The following OARD1 variants were observed in gnomAD, a reference collection of about 807,000 sequenced individuals.
The protein encoded by OARD1 is O-acyl-ADP-ribose deacylase 1.
Under a neutral mutation model 19.7 loss-of-function variants are expected in OARD1, and 19 were observed. The ratio of observed to expected loss-of-function variants is 0.96; its 90% CI spans 0.67 to 1.41. OARD1 has a LOEUF of 1.41. OARD1 is among the 40% of genes most tolerant of loss of function. OARD1 has a pLI of 0.00. For synonymous variants in OARD1, 70 were observed against 61.8 expected, an observed-to-expected ratio of 1.13 and a Z score of -0.62; for missense variants, 190 against 183.8, an observed-to-expected ratio of 1.03 and a Z score of -0.20.
chr6:41,068,473 A>G lies in OARD1; in HGVS notation c.356+368T>C, dbSNP rs139233637. Reference sequence around the variant, plus strand: ...GGGAGATGGGAAGTGGTCCAAGAGGAAAACCACCATTGCTCAGTCTTGATT... The same window carrying G: ...GGGAGATGGGAAGTGGTCCAAGAGGGAAACCACCATTGCTCAGTCTTGATT... On this transcript the variant is annotated intron_variant, in intron 5 of 5. Transcript: ENST00000424266. 4.0e-3 allele frequency among the ~76,000 whole-genome samples: 612 copies of G among 152,356 alleles called. 11 individuals are homozygous for G. In the South Asian group the frequency reaches 0.061, roughly 15 times the overall value.
At chr6:41,089,145 G>A (rs1219375693) in intron 1 of OARD1, among the ~76,000 whole-genome samples, 5 of 151,816 alleles carry the variant, frequency 3.3e-5, no homozygotes, top group African/African-American at 4.8e-5. Flanking sequence ...CACCATGCCC[G>A]GCTAATCTTT....
At chr6:41,080,852 C>T in intron 1 of OARD1, 1 of 1,614,008 alleles carries the variant, frequency 6.2e-7, no homozygotes, top group Non-Finnish European at 8.5e-7. Flanking sequence ...AGACTGAGGC[C>T]CAGGTGGCAT....
intron 1 of OARD1, among the ~76,000 whole-genome samples, chr6:41,087,321 T>A (rs1393135003): frequency 6.6e-6 from 1 of 152,230 alleles, no homozygotes; most frequent in Admixed American, 6.5e-5. Context: ...CATGAATGTC[T>A]CTAAGACATG....
At chr6:41,068,514 C>T (rs1763143770) in intron 5 of OARD1, among the ~76,000 whole-genome samples, 1 of 152,238 alleles carries the variant, frequency 6.6e-6, no homozygotes, top group Non-Finnish European at 1.5e-5. Flanking sequence ...GCTTACATTG[C>T]TTTAGGAATA....
upstream of OARD1, among the ~76,000 whole-genome samples, chr6:41,073,740 G>A (rs953426418): frequency 6.6e-6 from 1 of 152,062 alleles, no homozygotes; most frequent in Non-Finnish European, 1.5e-5. Flanking sequence ...TCTCCCTGGT[G>A]GGGAGAGGGG....
At chr6:41,084,011 T>A in intron 1 of OARD1, 5 of 1,559,876 alleles carry the variant, frequency 3.2e-6, no homozygotes, top group Non-Finnish European at 4.3e-6. Context: ...TTGTGTCTTA[T>A]GTTATTTCAT....
chr6:41,072,673 G>T (rs1165595054), upstream of OARD1: 1 of 152,486 alleles, frequency 6.6e-6, no homozygotes, highest in African/African-American at 2.4e-5. Flanking sequence ...TGTCCTAGTG[G>T]CCACTTGGAA....
chr6:41,076,217 G>C (rs1369669240), upstream of OARD1, among the ~76,000 whole-genome samples: 2 of 152,124 alleles, frequency 1.3e-5, no homozygotes, highest in Non-Finnish European at 2.9e-5. Context: ...AGACCAGCCT[G>C]GGTAGCATAG....
rs139572347 is a variant in OARD1, at chr6:41,071,332, G to C, written c.40-56C>G. 174 of 1,531,690 alleles carry C rather than the reference G, an allele frequency of 1.1e-4. No individual in the cohort carries two copies. In the East Asian group the frequency reaches 3.6e-3, roughly 32 times the overall value. 94.9% of individuals were successfully genotyped at this position (1,531,690 alleles called of 1,614,324 possible). On this transcript the variant is annotated intron_variant, in intron 2 of 5. Transcript: ENST00000424266. ...TTTATTAGATACAGTAAAATACTAA[G>C]CTATTTTTCTGTATTTTGTGTCCCC... is the stretch of plus-strand genomic sequence containing the variant.
chr6:41,071,732 T>C, intron 1 of OARD1, 57 bp from the exon 2 acceptor site: 1 of 979,142 alleles, frequency 1.0e-6, no homozygotes, highest in South Asian at 1.3e-5. Context: ...TATAATATTC[T>C]GATTGCCCTG....
Position 41,064,868 on chromosome 6 carries a change from A to C in OARD1, c.*2467T>G, listed in dbSNP as rs1207157806. ...ATACAATCATTTAAAAGTATTCAAT[A>C]CATGGTGTTTGATGGTAATGGCAGG... is the stretch of plus-strand genomic sequence containing the variant. On this transcript the variant is annotated 3_prime_UTR_variant, in exon 6 of 6. Transcript: ENST00000424266. 6.6e-6 allele frequency: 1 copy of C among 151,990 alleles called. No individual in the cohort carries two copies. The highest frequency in any genetic ancestry group is 1.5e-5 in the Non-Finnish European group (1 of 68,012). The allele number at this position is 151,990 out of a possible 1,614,324, so 9.4% of individuals were successfully genotyped here.
At chr6:41,094,356 G>T (rs1764289353) in intron 1 of OARD1, 2 of 1,552,250 alleles carry the variant, frequency 1.3e-6, no homozygotes, top group Non-Finnish European at 1.8e-6. Context: ...GCTGGTTCTG[G>T]ATAGTATTAA....
rs376771449 is a variant in OARD1, at chr6:41,071,155, C to A, written c.161G>T (p.Gly54Val). 1.2e-6 allele frequency: 2 copies of A among 1,614,090 alleles called. No individual in the cohort carries two copies. The highest frequency in any genetic ancestry group is 2.7e-5 in the African/African-American group (2 of 74,932). ...IAVLFKKKFGGVQELLNQQKK... is the reference protein window; with the variant it reads ...IAVLFKKKFGVVQELLNQQKK... Reference sequence around the variant, plus strand: ...ACGTTGATTTAAAAGTTCTTGCACCCCTCCAAATTTCTTCTTAAAGAGGAC... The same window carrying A: ...ACGTTGATTTAAAAGTTCTTGCACCACTCCAAATTTCTTCTTAAAGAGGAC... Residue 54 changes from glycine to valine, a missense_variant, in exon 3 of 6, where the codon GGG becomes GTG. Transcript: ENST00000424266.
At chr6:41,089,979 C>T (rs950887540) in intron 1 of OARD1, among the ~76,000 whole-genome samples, 9 of 152,008 alleles carry the variant, frequency 5.9e-5, no homozygotes, top group African/African-American at 1.9e-4. Context: ...GGCATGGTGG[C>T]GCATGCCTGT....
intron 1 of OARD1, among the ~76,000 whole-genome samples, chr6:41,095,792 A>G (rs1764337221): frequency 6.6e-6 from 1 of 152,216 alleles, no homozygotes; most frequent in Non-Finnish European, 1.5e-5. Context: ...TTCCTTCACT[A>G]GACTGTAAGT....
At chr6:41,067,938 G>GT (rs1384851983) in intron 5 of OARD1, among the ~76,000 whole-genome samples, 1 of 152,108 alleles carries the variant, frequency 6.6e-6, no homozygotes, top group East Asian at 1.9e-4. Context: ...CAACACCCTG[G>GT]TAAGAATAAA....
chr6:41,094,715 A>C (rs944290195), intron 1 of OARD1, among the ~76,000 whole-genome samples: 1 of 152,134 alleles, frequency 6.6e-6, no homozygotes, highest in Admixed American at 6.5e-5. Flanking sequence ...TGGGAGGCTG[A>C]GGTGGGAAGC....
At position 41,081,447 on chromosome 6, in the gene OARD1, G is replaced by A. The variant is rs184815477; in HGVS notation, c.-41-9772C>T. On this transcript the variant is annotated intron_variant, in intron 1 of 4. Coordinates refer to the OARD1 transcript ENST00000480585. ...AGAGCTTGCAGTGAGCAGAGATTGC[G>A]CCACTGCACTCCAGCCTGGGTGACA... Among the ~76,000 whole-genome samples the A allele has an allele frequency of 1.6e-4, 24 of 150,706 alleles. No homozygotes were observed. The East Asian group carries it at 4.3e-3, about 27-fold the overall frequency.
chr6:41,077,334 A>C (rs1763766708), upstream of OARD1, among the ~76,000 whole-genome samples: 1 of 152,146 alleles, frequency 6.6e-6, no homozygotes, highest in Admixed American at 6.5e-5. Context: ...TGAAGATATA[A>C]AACATTTTCA....
Sources: allele counts gnomAD v4.1 joint callset (sites outside exome capture counted in the v4.1 genomes callset), GRCh38; gene constraint gnomAD v4.1.1; transcripts MANE v1.5; gene names NCBI Gene and HGNC (gene_info 2026-07-23, HGNC 2026-07-21).